Variants in NUSAP1 observed in about 807,000 individuals in gnomAD.
The protein encoded by NUSAP1 is nucleolar and spindle-associated protein 1.
In NUSAP1, 32 loss-of-function variants were observed where a neutral mutation model predicts 52.8. That is an observed-to-expected ratio of 0.61 (90% confidence interval 0.46 to 0.81). The LOEUF (loss-of-function observed/expected upper bound fraction) is 0.81. Among genes scored for constraint, NUSAP1 ranks in the 40% least tolerant of loss-of-function variants. NUSAP1 has a pLI of 0.00. For synonymous variants in NUSAP1, 195 were observed against 183.1 expected (o/e 1.06, Z -0.52); for missense variants, 499 against 522.3 (o/e 0.96, Z 0.43).
intron 10 of NUSAP1, among the ~76,000 whole-genome samples, chr15:41,377,967 G>T (rs1359355207): frequency 6.6e-6 from 1 of 151,884 alleles, no homozygotes; most frequent in African/African-American, 2.4e-5. Flanking sequence ...TCCAGCCTGG[G>T]CGACAGAGTG....
chr15:41,334,158 G>A (rs1196862759), intron 1 of NUSAP1, among the ~76,000 whole-genome samples: 4 of 151,936 alleles, frequency 2.6e-5, no homozygotes, highest in Admixed American at 2.0e-4. Flanking sequence ...TTGCTCTGTC[G>A]CCCAGGCTGG....
At chr15:41,349,749 T>G (rs1270669611) in intron 3 of NUSAP1, among the ~76,000 whole-genome samples, 9 of 150,058 alleles carry the variant, frequency 6.0e-5, no homozygotes, top group African/African-American at 2.2e-4. Flanking sequence ...CACAGTCTTT[T>G]TTTTCTTTTT....
chr15:41,341,765 T>C (rs888697228), intron 1 of NUSAP1, among the ~76,000 whole-genome samples: 4 of 152,234 alleles, frequency 2.6e-5, no homozygotes, highest in African/African-American at 9.6e-5. Context: ...TTCTGAGTAA[T>C]GCAAAATTGG....
chr15:41,378,720 A>C (rs2050077234), intron 10 of NUSAP1, among the ~76,000 whole-genome samples: 1 of 152,058 alleles, frequency 6.6e-6, no homozygotes, highest in African/African-American at 2.4e-5. Context: ...TGGCGAGCTG[A>C]AATTGCACCA....
intron 7 of NUSAP1, 54 bp downstream of exon 7, chr15:41,365,643 T>TA (rs201706755): frequency 1.4e-3 from 1,879 of 1,341,136 alleles, no homozygotes; most frequent in Non-Finnish European, 1.5e-3. Flanking sequence ...ATGGACTATA[T>TA]AAAAAAAAAA....
Position 41,380,828 on chromosome 15 carries a change from C to T in NUSAP1, c.*642C>T, listed in dbSNP as rs2050178389. ...TTGCTTACTTAAAAGCTACATAGCC[C>T]TATCGAAATGCGAGGATTAATGCTT... is the stretch of plus-strand genomic sequence containing the variant. On this transcript the variant is annotated 3_prime_UTR_variant, in exon 11 of 11. Transcript: ENST00000559596. 1 of 152,188 alleles carries T rather than the reference C, an allele frequency of 6.6e-6. No individual in the cohort carries two copies. The highest frequency in any genetic ancestry group is 2.1e-4 in the South Asian group (1 of 4,830). The allele number at this position is 152,188 out of a possible 1,614,324, so 9.4% of individuals were successfully genotyped here. A position where few individuals can be genotyped will look rare whatever the true frequency, so the allele number is the denominator to read the frequency against.
At position 41,380,355 on chromosome 15, in the gene NUSAP1, C is replaced by T. The variant is rs189903789; in HGVS notation, c.*169C>T. ...TCATGTGCTATGATCTCTGAAAAGA[C>T]GTTATCACCTTAAAGCTCAAATTCT... On this transcript the variant is annotated 3_prime_UTR_variant, in exon 11 of 11. Transcript: ENST00000559596. 3.0e-4 allele frequency: 144 copies of T among 479,320 alleles called. No individual in the cohort carries two copies. The highest frequency in any genetic ancestry group is 2.6e-3 in the African/African-American group (131 of 50,460). The allele number at this position is 479,320 out of a possible 1,614,324, so 29.7% of individuals were successfully genotyped here.
chr15:41,335,643 AAT>A (rs1567035434), intron 1 of NUSAP1, among the ~76,000 whole-genome samples: 1 of 139,960 alleles, frequency 7.1e-6, no homozygotes. Context: ...ACTATATATA[AAT>A]ATATTAAATA....
chr15:41,372,139 T>C (rs1268646421), intron 8 of NUSAP1, among the ~76,000 whole-genome samples: 1 of 152,154 alleles, frequency 6.6e-6, no homozygotes, highest in Non-Finnish European at 1.5e-5. Flanking sequence ...GTATTTTTAA[T>C]TGTGTACTAG....
At chr15:41,362,582 AC>A (rs2049220423) in intron 6 of NUSAP1, among the ~76,000 whole-genome samples, 1 of 147,846 alleles carries the variant, frequency 6.8e-6, no homozygotes, top group Non-Finnish European at 1.5e-5. Flanking sequence ...CCGCCACCAC[AC>A]CCGGCTAATT....
intron 2 of NUSAP1, among the ~76,000 whole-genome samples, chr15:41,348,571 A>C (rs1392366269): frequency 6.6e-6 from 1 of 151,890 alleles, no homozygotes; most frequent in Non-Finnish European, 1.5e-5. Context: ...TTACTACCCT[A>C]ATTTATTAAT....
At chr15:41,375,935 A>G in intron 9 of NUSAP1, 107 bp downstream of exon 9, 1 of 693,806 alleles carries the variant, frequency 1.4e-6, no homozygotes, top group East Asian at 2.7e-5. Context: ...GCGTGGTGGC[A>G]GGCACCTGTA....
At chr15:41,347,255 T>C (rs2048610750) in intron 2 of NUSAP1, among the ~76,000 whole-genome samples, 1 of 152,202 alleles carries the variant, frequency 6.6e-6, no homozygotes, top group African/African-American at 2.4e-5. Context: ...GTGGCCATAA[T>C]AGTGAAATTG....
At chr15:41,370,246 G>A (rs2049611991) in intron 7 of NUSAP1, among the ~76,000 whole-genome samples, 1 of 152,052 alleles carries the variant, frequency 6.6e-6, no homozygotes, top group Non-Finnish European at 1.5e-5. Flanking sequence ...GCCGGGCGTA[G>A]TGGCGGGCGC....
intron 7 of NUSAP1, among the ~76,000 whole-genome samples, chr15:41,370,814 C>T (rs1306827873): frequency 1.3e-5 from 2 of 149,568 alleles, no homozygotes; most frequent in Non-Finnish European, 3.0e-5. Flanking sequence ...CCCAGCCACT[C>T]GGGAGGCTGA....
Position 41,353,173 on chromosome 15 carries a change from CAG to C in NUSAP1, c.448+2047_448+2048del, listed in dbSNP as rs563001631. On this transcript the variant is annotated intron_variant, in intron 4 of 10. Transcript: ENST00000559596. ...TTCTTTGTTTTGTTTTGTTTTGAGA[CAG>C]AGTCTCTCTCTGTTGCCCAGGCGGG... 4.4e-3 allele frequency among the ~76,000 whole-genome samples: 669 copies of C among 152,276 alleles called. 1 individual carries two copies. The highest frequency in any genetic ancestry group is 0.015 in the African/African-American group (640 of 41,558).
At chr15:41,340,331 A>G (rs1421176801) in intron 1 of NUSAP1, among the ~76,000 whole-genome samples, 1 of 152,016 alleles carries the variant, frequency 6.6e-6, no homozygotes, top group African/African-American at 2.4e-5. Context: ...TTCAGGTAGC[A>G]TCCCCACCCC....
At chr15:41,336,999 CTTTTTTT>C (rs201223527) in intron 1 of NUSAP1, among the ~76,000 whole-genome samples, 6 of 65,794 alleles carry the variant, frequency 9.1e-5, no homozygotes, top group Admixed American at 2.1e-4. Context: ...CTTTCCTTTT[CTTTTTTT>C]TTTTTTTTTT....
intron 5 of NUSAP1, among the ~76,000 whole-genome samples, chr15:41,356,605 G>A (rs1000828067): frequency 3.9e-5 from 6 of 151,980 alleles, no homozygotes; most frequent in African/African-American, 9.7e-5. Context: ...CGCCTGCCTC[G>A]GCCTCCCAAA....
Sources: allele counts gnomAD v4.1 joint callset (sites outside exome capture counted in the v4.1 genomes callset), GRCh38; gene constraint gnomAD v4.1.1; transcripts MANE v1.5; gene names NCBI Gene and HGNC (gene_info 2026-07-23, HGNC 2026-07-21).